Variants in PRMT3 observed in about 807,000 individuals in gnomAD.
The protein encoded by PRMT3 is protein arginine N-methyltransferase 3.
A neutral mutation model predicts 71.9 loss-of-function variants in PRMT3; 62 were observed. That is an observed-to-expected ratio of 0.86 (90% CI 0.70 to 1.07). The LOEUF is 1.07. PRMT3 is among the 50% of genes least tolerant of loss of function. The pLI, the probability that PRMT3 is intolerant of heterozygous loss-of-function variation, is 0.00. For missense variants in PRMT3, 663 were observed against 643.0 expected (o/e 1.03, Z -0.34); for synonymous variants, 213 against 220.4 (o/e 0.97, Z 0.30).
Position 20,460,461 on chromosome 11 carries a change from ACTTAC to A in PRMT3, c.1073-1515_1073-1511del, listed in dbSNP as rs371182156. Among the ~76,000 whole-genome samples, 584 of 152,014 alleles carry A rather than the reference ACTTAC, an allele frequency of 3.8e-3. 4 individuals are homozygous for A. The highest frequency in any genetic ancestry group is 0.013 in the African/African-American group (546 of 41,462). ...TCACACTTTCCTTAACTCATGTAAC[ACTTAC>A]CTTCTTGGTTCTCTTACTTTTGTGG... On this transcript the variant is annotated intron_variant, in intron 11 of 15. Transcript: ENST00000331079.
chr11:20,406,494 T>C (rs1849074023), intron 8 of PRMT3: 1 of 152,228 alleles, frequency 6.6e-6, no homozygotes, highest in Admixed American at 6.5e-5. Flanking sequence ...TTTTTAAGGC[T>C]CAATAATCCA....
At chr11:20,391,498 C>T (rs1199262853) in intron 3 of PRMT3, among the ~76,000 whole-genome samples, 1 of 152,152 alleles carries the variant, frequency 6.6e-6, no homozygotes, top group Non-Finnish European at 1.5e-5. Context: ...CTGCCTTGGC[C>T]TCCCAAAGTG....
At chr11:20,473,533 T>C (rs1180382633) in intron 13 of PRMT3, among the ~76,000 whole-genome samples, 1 of 152,180 alleles carries the variant, frequency 6.6e-6, no homozygotes. Flanking sequence ...CATGTAGTTG[T>C]GTGGTTTTGA....
Position 20,457,139 on chromosome 11 carries a change from G to C in PRMT3, c.1073-4841G>C, listed in dbSNP as rs1006561912. On this transcript the variant is annotated intron_variant, in intron 11 of 15. Coordinates refer to ENST00000331079, the MANE Select transcript of PRMT3 (RefSeq NM_005788.4). ...GCTTGCTTTCCTTTTTGGTGTTTTT[G>C]TTTTGTTTTTGCCTTGTCATCTCAT... Among the ~76,000 whole-genome samples, 3 of 152,076 alleles carry C rather than the reference G, an allele frequency of 2.0e-5. No individual in the cohort carries two copies. The East Asian group carries it at 5.8e-4, about 29-fold the overall frequency.
intron 9 of PRMT3, among the ~76,000 whole-genome samples, chr11:20,413,382 A>C (rs1486067397): frequency 6.6e-6 from 1 of 152,172 alleles, no homozygotes. Context: ...CAGCATCCAG[A>C]CATGACTTGA....
chr11:20,414,495 C>T (rs766389200), intron 9 of PRMT3, among the ~76,000 whole-genome samples: 3 of 152,122 alleles, frequency 2.0e-5, no homozygotes, highest in Non-Finnish European at 4.4e-5. Flanking sequence ...AAGATCATTT[C>T]GGCAACATAA....
intron 13 of PRMT3, among the ~76,000 whole-genome samples, chr11:20,466,450 C>G (rs1308540450): frequency 1.3e-5 from 2 of 152,168 alleles, no homozygotes; most frequent in Non-Finnish European, 1.5e-5. Context: ...GGTTCCTGGT[C>G]CTCTGTCCTC....
At chr11:20,393,803 CAG>C (rs1848768279) in intron 5 of PRMT3, 1 of 152,016 alleles carries the variant, frequency 6.6e-6, no homozygotes, top group African/African-American at 2.4e-5. Context: ...GAAAGCAAAA[CAG>C]AAACTGGCCA....
intron 13 of PRMT3, among the ~76,000 whole-genome samples, chr11:20,493,163 A>G (rs10833338): frequency 0.27 from 41,211 of 151,792 alleles, 5,810 homozygotes; most frequent in South Asian, 0.38. Context: ...TACTATCACA[A>G]TAACCCTTAG....
intron 6 of PRMT3, among the ~76,000 whole-genome samples, chr11:20,397,327 G>T (rs1687144973): frequency 1.3e-5 from 2 of 152,186 alleles, no homozygotes; most frequent in Admixed American, 6.5e-5. Context: ...TCAGTTGAAA[G>T]ACATAAGGAG....
intron 3 of PRMT3, among the ~76,000 whole-genome samples, chr11:20,390,244 A>G (rs1848684106): frequency 6.6e-6 from 1 of 152,188 alleles, no homozygotes; most frequent in Non-Finnish European, 1.5e-5. Flanking sequence ...ACACAGCAAC[A>G]TCTTGTGGAA....
At chr11:20,415,999 A>G (rs552420760) in intron 9 of PRMT3, among the ~76,000 whole-genome samples, 1 of 152,202 alleles carries the variant, frequency 6.6e-6, no homozygotes, top group Non-Finnish European at 1.5e-5. Flanking sequence ...TTTACCCAAC[A>G]TACCTGTTGG....
At chr11:20,476,187 T>C (rs1850779284) in intron 13 of PRMT3, among the ~76,000 whole-genome samples, 1 of 151,504 alleles carries the variant, frequency 6.6e-6, no homozygotes, top group African/African-American at 2.4e-5. Flanking sequence ...TCATCTCTAC[T>C]AAAAATACAA....
intron 9 of PRMT3, among the ~76,000 whole-genome samples, chr11:20,415,899 A>G (rs2133335703): frequency 6.6e-6 from 1 of 152,282 alleles, no homozygotes; most frequent in South Asian, 2.1e-4. Context: ...AGATCTAAGC[A>G]AGAACTGAGT....
chr11:20,430,163 C>T (rs146084364), intron 10 of PRMT3, among the ~76,000 whole-genome samples: 3 of 152,208 alleles, frequency 2.0e-5, no homozygotes, highest in African/African-American at 7.2e-5. Context: ...TTATTTTTTA[C>T]ATACAACATA....
At chr11:20,401,838 CT>C (rs1183720153) in intron 7 of PRMT3, among the ~76,000 whole-genome samples, 1 of 152,158 alleles carries the variant, frequency 6.6e-6, no homozygotes, top group Non-Finnish European at 1.5e-5. Context: ...TTATGGGAGA[CT>C]CCAGAGTGTA....
rs61876969 is a variant in PRMT3, at chr11:20,460,886, A to G, written c.1073-1094A>G. On this transcript the variant is annotated intron_variant, in intron 11 of 15. Transcript: ENST00000331079. Reference sequence around the variant, plus strand: ...AATACATCTCATCCTTTCCATTCCCACAGCAATATCCTAGTTCAGATCACC... The same window carrying G: ...AATACATCTCATCCTTTCCATTCCCGCAGCAATATCCTAGTTCAGATCACC... Among the ~76,000 whole-genome samples the G allele has an allele frequency of 4.6e-5, 7 of 152,134 alleles. No homozygotes were observed. In the East Asian group the frequency reaches 1.4e-3, roughly 29 times the overall value.
rs1411708213 is a variant in PRMT3 at position 20,508,317 on chromosome 11, A to G, written c.1500A>G (p.Lys500=). ...TTTGTTTTACAGGTGAAGCCTTGAA[A>G]GGAAAGGTCACAGTTCACAAGAATA... ...PFSVKAGEAL[K]GKVTVHKNKK... is the part of the protein sequence containing the mutation. Residue 500 remains lysine (K), a synonymous_variant, in exon 16 of 16, where the codon AAA becomes AAG. Transcript: ENST00000331079. 6.2e-7 allele frequency: 1 copy of G among 1,606,982 alleles called. No individual in the cohort carries two copies. The highest frequency in any genetic ancestry group is 1.3e-5 in the African/African-American group (1 of 74,618).
intron 15 of PRMT3, among the ~76,000 whole-genome samples, chr11:20,507,157 A>C (rs1359389582): frequency 6.6e-6 from 1 of 152,224 alleles, no homozygotes; most frequent in African/African-American, 2.4e-5. Flanking sequence ...CCATGACTTC[A>C]GCCCTGGCAT....
Sources: allele counts gnomAD v4.1 joint callset (sites outside exome capture counted in the v4.1 genomes callset), GRCh38; gene constraint gnomAD v4.1.1; transcripts MANE v1.5; gene names NCBI Gene and HGNC (gene_info 2026-07-23, HGNC 2026-07-21).